ARHGAP44: variants seen among roughly 807,000 people sequenced by gnomAD.
ARHGAP44 encodes Rho GTPase activating protein 44.
In ARHGAP44, 43 loss-of-function variants were observed where a neutral mutation model predicts 106.8. The observed-to-expected ratio is 0.40, with a 90% CI of 0.32 to 0.52. The LOEUF (loss-of-function observed/expected upper bound fraction) is 0.52. ARHGAP44 is among the 20% of genes least tolerant of loss of function. The probability of loss-of-function intolerance (pLI) is 0.48; values close to 1 mark genes in which losing one functional copy is unlikely to be tolerated. For missense variants in ARHGAP44, 866 were observed against 1,050.5 expected (o/e 0.82, Z 2.43); for synonymous variants, 439 against 410.3 (o/e 1.07, Z -0.85).
rs2150983177 is a variant in ARHGAP44, at chr17:12,943,474, G to A, written c.652-114G>A. ...TTTAGGTAGATTGGAGGAGGGAATGGGTGACTACCTCCTTCCGCATGTGGA... is the reference window on the plus strand; with the variant it reads ...TTTAGGTAGATTGGAGGAGGGAATGAGTGACTACCTCCTTCCGCATGTGGA... On this transcript the variant is annotated intron_variant, in intron 8 of 20. Transcript: ENST00000379672. 15 of 858,492 alleles carry A rather than the reference G, an allele frequency of 1.7e-5. No homozygotes were observed. In the South Asian group the frequency reaches 2.1e-4, roughly 12 times the overall value. The allele number at this position is 858,492 out of a possible 1,614,324, so 53.2% of individuals were successfully genotyped here.
At chr17:12,821,497 G>A (rs760764900) in intron 1 of ARHGAP44, among the ~76,000 whole-genome samples, 1 of 152,124 alleles carries the variant, frequency 6.6e-6, no homozygotes, top group African/African-American at 2.4e-5. Context: ...ATTATACATT[G>A]CACAATGTTA....
At chr17:12,986,750 A>G (rs939369831) in intron 20 of ARHGAP44, 44 of 168,128 alleles carry the variant, frequency 2.6e-4, no homozygotes, top group Non-Finnish European at 3.7e-5. Context: ...GCAGAAGGAG[A>G]GGAGAAATTG....
chr17:12,841,637 C>CAAAAA (rs140882682), intron 1 of ARHGAP44, among the ~76,000 whole-genome samples: 3 of 101,618 alleles, frequency 3.0e-5, no homozygotes, highest in African/African-American at 1.1e-4. Context: ...CACACACACA[C>CAAAAA]ACAAACAAAC....
Position 12,896,488 on chromosome 17 carries a change from G to A in ARHGAP44, c.175G>A (p.Gly59Arg), listed in dbSNP as rs1426049624. The A allele has an allele frequency of 3.7e-6, 6 of 1,607,288 alleles. No homozygotes were observed. The highest frequency in any genetic ancestry group is 5.1e-6 in the Non-Finnish European group (6 of 1,177,278). ...CACCGCATGTCTGCAGGGCCAGCAAGGGGCAGAGGCTGACAAGCGCTCCGT... is the reference window on the plus strand; with the variant it reads ...CACCGCATGTCTGCAGGGCCAGCAAAGGGCAGAGGCTGACAAGCGCTCCGT... ...KLTACLQGQQ[G>R]AEADKRSKKL... Residue 59 changes from glycine (G) to arginine (R), a missense_variant, in exon 3 of 21, where the codon GGG becomes AGG. Coordinates refer to ENST00000379672, the MANE Select transcript of ARHGAP44 (RefSeq NM_014859.6).
chr17:12,818,058 A>G (rs1167621382), intron 1 of ARHGAP44, among the ~76,000 whole-genome samples: 1 of 152,022 alleles, frequency 6.6e-6, no homozygotes, highest in African/African-American at 2.4e-5. Flanking sequence ...AAAGAGAATT[A>G]TAGACGAACA....
chr17:12,928,524 T>G (rs966421023), intron 6 of ARHGAP44, among the ~76,000 whole-genome samples: 1 of 152,214 alleles, frequency 6.6e-6, no homozygotes, highest in African/African-American at 2.4e-5. Context: ...TGTGTGTGTG[T>G]GTACATGTGT....
chr17:12,840,297 A>C (rs2035353174), intron 1 of ARHGAP44, among the ~76,000 whole-genome samples: 1 of 152,186 alleles, frequency 6.6e-6, no homozygotes, highest in Admixed American at 6.5e-5. Flanking sequence ...TTGAGGTCAA[A>C]ACATCCTTAG....
chr17:12,973,424 T>A, intron 17 of ARHGAP44, 105 bp downstream of exon 17: 1 of 1,213,320 alleles, frequency 8.2e-7, no homozygotes, highest in Non-Finnish European at 1.2e-6. Context: ...CGCGTCTGGT[T>A]GCTTGGCCGA....
Position 12,944,095 on chromosome 17 carries a change from G to T in ARHGAP44, c.760G>T (p.Gly254Trp). 6.2e-7 allele frequency: 1 copy of T among 1,612,094 alleles called. No homozygotes were observed. The highest frequency in any genetic ancestry group is 8.5e-7 in the Non-Finnish European group (1 of 1,179,106). The change falls in exon 10 of 21, where the codon GGG (glycine) becomes TGG (tryptophan). Residue 254 changes from glycine to tryptophan, a missense_variant. By Grantham distance (184) the Gly-to-Trp change is radical (BLOSUM62 -2). Coordinates refer to ENST00000379672, the MANE Select transcript of ARHGAP44 (RefSeq NM_014859.6). ...GGCCTGGGTAGAGAAGCCTTCCTTC[G>T]GGAAGCCGCTGGAGGAGCACCTCAC... is the stretch of plus-strand genomic sequence containing the variant. ...QEAWVEKPSF[G>W]KPLEEHLTIS...
intron 19 of ARHGAP44, 102 bp downstream of exon 19, chr17:12,980,335 G>T: frequency 1.6e-6 from 2 of 1,263,592 alleles, no homozygotes; most frequent in Admixed American, 2.7e-5. Flanking sequence ...GAGAAACTGT[G>T]TGGTTTAGTG....
chr17:12,888,197 C>A (rs2150908825), intron 1 of ARHGAP44, among the ~76,000 whole-genome samples: 1 of 152,042 alleles, frequency 6.6e-6, no homozygotes, highest in South Asian at 2.1e-4. Flanking sequence ...GGAGTAGGAT[C>A]TTTTATTGAC....
At chr17:12,900,168 C>T (rs1008704218) in intron 3 of ARHGAP44, among the ~76,000 whole-genome samples, 1 of 151,382 alleles carries the variant, frequency 6.6e-6, no homozygotes, top group South Asian at 2.1e-4. Context: ...CTTGCTCTGT[C>T]GCCCAGGCTG....
intron 1 of ARHGAP44, among the ~76,000 whole-genome samples, chr17:12,830,536 T>A (rs1455952675): frequency 6.6e-6 from 1 of 152,156 alleles, no homozygotes; most frequent in Non-Finnish European, 1.5e-5. Context: ...TATGCTCTCC[T>A]TTACCTGGTA....
chr17:12,879,978 T>G (rs915559743), intron 1 of ARHGAP44, among the ~76,000 whole-genome samples: 1 of 151,960 alleles, frequency 6.6e-6, no homozygotes, highest in African/African-American at 2.4e-5. Flanking sequence ...AGAGAGGGGT[T>G]GGTCTTACTG....
rs75288980 is a variant in ARHGAP44, at chr17:12,862,422, A to G, written c.54-32518A>G. 1.4e-4 allele frequency among the ~76,000 whole-genome samples: 21 copies of G among 152,298 alleles called. No individual in the cohort carries two copies. The East Asian group carries it at 3.1e-3, about 22-fold the overall frequency. ...CTCCTGAGTTGGTAACGCAGGCACA[A>G]CATAAATGAATTCCTCCTTCATTGT... On this transcript the variant is annotated intron_variant, in intron 1 of 20. Coordinates refer to ENST00000379672, the MANE Select transcript of ARHGAP44 (RefSeq NM_014859.6).
At chr17:12,869,464 A>G (rs2036340890) in intron 1 of ARHGAP44, among the ~76,000 whole-genome samples, 3 of 152,130 alleles carry the variant, frequency 2.0e-5, no homozygotes, top group African/African-American at 7.2e-5. Context: ...AACTGGAAAA[A>G]TACATACAAC....
chr17:12,875,131 T>C (rs1342876337), intron 1 of ARHGAP44, among the ~76,000 whole-genome samples: 1 of 152,202 alleles, frequency 6.6e-6, no homozygotes, highest in African/African-American at 2.4e-5. Context: ...CACAGATTGC[T>C]TGACCCCACT....
chr17:12,908,074 G>T, intron 3 of ARHGAP44, among the ~76,000 whole-genome samples: 1 of 151,534 alleles, frequency 6.6e-6, no homozygotes, highest in South Asian at 2.1e-4. Context: ...CTTTTCATGT[G>T]CTCTTTGGCC....
rs1183521719 is a variant in ARHGAP44, at chr17:12,980,187, C to T, written c.1893C>T (p.Ser631=). 8.7e-6 allele frequency: 14 copies of T among 1,613,406 alleles called. No homozygotes were observed. Among genetic ancestry groups the T allele is most frequent in the Non-Finnish European group, 1.2e-5 (14 of 1,179,864 alleles). ...GAGCTCAGCCGGGCGCCAGCCCCAGCCCCAGCCAGCCGCCTGCAGACCAGA... is the reference window on the plus strand; with the variant it reads ...GAGCTCAGCCGGGCGCCAGCCCCAGTCCCAGCCAGCCGCCTGCAGACCAGA... ...QPGAQPGASP[S]PSQPPADQSP... is the part of the protein sequence containing the mutation. Residue 631 remains serine (S), a synonymous_variant, in exon 19 of 21, where the codon AGC becomes AGT. Transcript: ENST00000379672.
Sources: gnomAD v4.1 joint callset for allele counts (sites outside exome capture counted in the v4.1 genomes callset) on GRCh38, gnomAD v4.1.1 for gene constraint, MANE v1.5 for transcripts, NCBI Gene and HGNC (gene_info 2026-07-23, HGNC 2026-07-21) for gene names.